Variants in SLC35F5 observed in about 807,000 individuals in gnomAD.
SLC35F5 encodes solute carrier family 35 member F5.
SLC35F5 carries 54 observed loss-of-function variants against 68.6 expected under a neutral mutation model. That is an observed-to-expected ratio of 0.79 (90% CI 0.63 to 0.99). SLC35F5 has a LOEUF of 0.99. Ranked by LOEUF, SLC35F5 falls within the 50% of genes least tolerant of loss-of-function variation. The probability of loss-of-function intolerance (pLI) is 0.00; values close to 1 mark genes in which losing one functional copy is unlikely to be tolerated. For synonymous variants in SLC35F5, 211 were observed against 205.2 expected (o/e 1.03, Z -0.24); for missense variants, 567 against 626.9 (o/e 0.90, Z 1.02).
At position 113,707,972 on chromosome 2, in the gene SLC35F5, G is replaced by A. The variant is rs1686846682; in HGVS notation, c.*7246C>T. Among the ~76,000 whole-genome samples, 1 of 151,902 alleles carries A rather than the reference G, an allele frequency of 6.6e-6. No homozygotes were observed. Among genetic ancestry groups the A allele is most frequent in the Admixed American group, 6.6e-5 (1 of 15,232 alleles). On this transcript the variant is annotated 3_prime_UTR_variant, in exon 16 of 16. Transcript: ENST00000245680. ...AGATATTTCATGTTCTACTAGTAAAGGGAATTCGCATTTTCAATGTCCTGT... is the reference window on the plus strand; with the variant it reads ...AGATATTTCATGTTCTACTAGTAAAAGGAATTCGCATTTTCAATGTCCTGT...
At chr2:113,756,136 C>T in intron 1 of SLC35F5, 1 of 1,444,718 alleles carries the variant, frequency 6.9e-7, no homozygotes. Flanking sequence ...GTTAAGGCAG[C>T]GACGCCTCCC....
At chr2:113,744,529 A>G (rs1474554004) in intron 5 of SLC35F5, among the ~76,000 whole-genome samples, 1 of 152,152 alleles carries the variant, frequency 6.6e-6, no homozygotes, top group South Asian at 2.1e-4. Context: ...AGGCGGGCAG[A>G]TCACTTGAGG....
At chr2:113,723,027 A>C (rs931203276) in intron 13 of SLC35F5, 77 bp downstream of exon 13, 2 of 929,422 alleles carry the variant, frequency 2.2e-6, no homozygotes, top group Non-Finnish European at 3.1e-6. Context: ...CTTATAATTT[A>C]ATCACATCTC....
chr2:113,707,179 C>T lies in SLC35F5; in HGVS notation c.*8039G>A, dbSNP rs1686821862. ...TTTCTAAAACATTGTTTCCATAACT[C>T]ATTATAAATATTTCATCTTCCGAAA... On this transcript the variant is annotated 3_prime_UTR_variant, in exon 16 of 16. Coordinates refer to ENST00000245680, the MANE Select transcript of SLC35F5 (RefSeq NM_025181.5). Among the ~76,000 whole-genome samples, 1 of 151,838 alleles carries T rather than the reference C, an allele frequency of 6.6e-6. No individual in the cohort carries two copies. The highest frequency in any genetic ancestry group is 2.1e-4 in the South Asian group (1 of 4,826).
chr2:113,730,632 C>T (rs1196979829), intron 10 of SLC35F5, among the ~76,000 whole-genome samples: 1 of 152,178 alleles, frequency 6.6e-6, no homozygotes, highest in Non-Finnish European at 1.5e-5. Flanking sequence ...TGAGGTCTCA[C>T]TATGCTGCCC....
Position 113,710,966 on chromosome 2 carries a change from T to C in SLC35F5, c.*4252A>G, listed in dbSNP as rs780466581. On this transcript the variant is annotated 3_prime_UTR_variant, in exon 16 of 16. Transcript: ENST00000245680. The stretch of plus-strand genomic sequence containing the variant: ...ACTGAATGCCTAGCATACAACGATC[T>C]AAGTGAAAGTTAATAAAAGTAGCTC... 6.6e-6 allele frequency among the ~76,000 whole-genome samples: 1 copy of C among 152,212 alleles called. No individual in the cohort carries two copies. The highest frequency in any genetic ancestry group is 1.5e-5 in the Non-Finnish European group (1 of 68,036).
chr2:113,743,036 T>C (rs1479451695), intron 6 of SLC35F5, among the ~76,000 whole-genome samples, 157 bp from the exon 7 acceptor site: 2 of 152,186 alleles, frequency 1.3e-5, no homozygotes, highest in East Asian at 3.8e-4. Flanking sequence ...GAGACAACTT[T>C]GTTCACTTAA....
intron 11 of SLC35F5, among the ~76,000 whole-genome samples, chr2:113,728,990 C>A (rs975007614): frequency 6.6e-6 from 1 of 152,146 alleles, no homozygotes; most frequent in African/African-American, 2.4e-5. Context: ...ACATAGACTG[C>A]GACAGCATTA....
At position 113,731,228 on chromosome 2, in the gene SLC35F5, G is replaced by A. The variant is rs977233633; in HGVS notation, c.985+356C>T. On this transcript the variant is annotated intron_variant, in intron 10 of 15. Transcript: ENST00000245680. ...CACTTCTGCATTTAAAGGAAACTAA[G>A]GAAACACGACAATTAAATGCAATAA... is the stretch of plus-strand genomic sequence containing the variant. 2.6e-5 allele frequency among the ~76,000 whole-genome samples: 4 copies of A among 151,790 alleles called. No homozygotes were observed. In the East Asian group the frequency reaches 5.8e-4, roughly 22 times the overall value.
chr2:113,725,506 T>C lies in SLC35F5; in HGVS notation c.1122A>G (p.Leu374=), dbSNP rs752592823. The C allele has an allele frequency of 6.3e-6, 10 of 1,596,936 alleles. No individual in the cohort carries two copies. The South Asian group carries it at 1.1e-4, about 18-fold the overall frequency. Reference sequence around the variant, plus strand: ...AATGAAGTAAAAAGAAACCTGGCCATAAGAGCAGCAGATTAAACAAACCTA... The same window carrying C: ...AATGAAGTAAAAAGAAACCTGGCCACAAGAGCAGCAGATTAAACAAACCTA... The part of the protein sequence containing the change: ...GFVGLFNLLL[L]WPGFFLLHYT... Residue 374 remains leucine (L), a synonymous_variant, in exon 12 of 16, where the codon TTA becomes TTG. Coordinates refer to ENST00000245680, the MANE Select transcript of SLC35F5 (RefSeq NM_025181.5).
intron 14 of SLC35F5, among the ~76,000 whole-genome samples, chr2:113,718,912 AGAAAGAAAGAAAGAAAAAGAAAGG>A (rs1687301049): frequency 1.2e-5 from 1 of 82,580 alleles, no homozygotes; most frequent in African/African-American, 3.7e-5. Context: ...AAAGAAAGAA[AGAAAGAAAGAAAGAAAAAGAAAGG>A]AAGAAAGGAA....
intron 7 of SLC35F5, among the ~76,000 whole-genome samples, chr2:113,736,889 C>G (rs1035288646): frequency 6.6e-6 from 1 of 152,038 alleles, no homozygotes; most frequent in African/African-American, 2.4e-5. Flanking sequence ...GTGTGTGTGT[C>G]CAAAGTTCAG....
At chr2:113,725,782 T>A in intron 11 of SLC35F5, 1 of 354,130 alleles carries the variant, frequency 2.8e-6, no homozygotes, top group Non-Finnish European at 5.1e-6. Flanking sequence ...GCAACTACTA[T>A]GGAATAAACC....
chr2:113,730,325 A>G (rs1056142667), intron 10 of SLC35F5, among the ~76,000 whole-genome samples: 1 of 152,232 alleles, frequency 6.6e-6, no homozygotes, highest in Non-Finnish European at 1.5e-5. Flanking sequence ...TCAATACTTT[A>G]ATCAATTATT....
chr2:113,721,747 A>C (rs1355403743), intron 13 of SLC35F5, among the ~76,000 whole-genome samples: 1 of 152,126 alleles, frequency 6.6e-6, no homozygotes, highest in Non-Finnish European at 1.5e-5. Context: ...AAATCTATAA[A>C]AGAATGATGT....
At chr2:113,733,388 T>A in intron 9 of SLC35F5, 1 of 364,226 alleles carries the variant, frequency 2.7e-6, no homozygotes, top group Non-Finnish European at 5.6e-6. Flanking sequence ...TATATCCATT[T>A]CCTTCTTTAT....
intron 1 of SLC35F5, 153 bp downstream of exon 1, chr2:113,756,217 C>T: frequency 4.6e-6 from 7 of 1,511,874 alleles, no homozygotes; most frequent in Non-Finnish European, 6.2e-6. Flanking sequence ...CTCCGGCGCC[C>T]CTGTCAGCTC....
Position 113,723,214 on chromosome 2 carries a change from C to T in SLC35F5, c.1251-20G>A, listed in dbSNP as rs758237879. 6.6e-7 allele frequency: 1 copy of T among 1,522,432 alleles called. No individual in the cohort carries two copies. Among genetic ancestry groups the T allele is most frequent in the Non-Finnish European group, 8.8e-7 (1 of 1,131,898 alleles). 94.3% of individuals were successfully genotyped at this position (1,522,432 alleles called of 1,614,324 possible). A position where few individuals can be genotyped will look rare whatever the true frequency, so the allele number is the denominator to read the frequency against. Reference sequence around the variant, plus strand: ...CAGCCCCTAAAAAAAAGAAAATATACATTTCTATATTTAAAAAATTAAACC... The same window carrying T: ...CAGCCCCTAAAAAAAAGAAAATATATATTTCTATATTTAAAAAATTAAACC... On this transcript the variant is annotated intron_variant, in intron 12 of 15. Coordinates refer to ENST00000245680, the MANE Select transcript of SLC35F5 (RefSeq NM_025181.5).
intron 10 of SLC35F5, among the ~76,000 whole-genome samples, chr2:113,730,242 T>C (rs914638193): frequency 2.0e-5 from 3 of 152,208 alleles, no homozygotes; most frequent in African/African-American, 7.2e-5. Context: ...TAAATACTGA[T>C]TCTCTTTATT....
Sources: allele counts gnomAD v4.1 joint callset (sites outside exome capture counted in the v4.1 genomes callset), GRCh38; gene constraint gnomAD v4.1.1; transcripts MANE v1.5; gene names NCBI Gene and HGNC (gene_info 2026-07-23, HGNC 2026-07-21).